Variants in NPAS3 observed in about 807,000 individuals in gnomAD.
NPAS3 encodes the protein neuronal PAS domain-containing protein 3.
A neutral mutation model predicts 73.1 loss-of-function variants in NPAS3; 14 were observed. That is an observed-to-expected ratio of 0.19 (90% CI 0.13 to 0.30). NPAS3 has a LOEUF of 0.30. NPAS3 is among the 10% of genes least tolerant of loss of function. The pLI is 1.00. For synonymous variants in NPAS3, 620 were observed against 541.5 expected (o/e 1.14, Z -2.01); for missense variants, 1,096 against 1,250.0 (o/e 0.88, Z 1.86).
At chr14:33,023,897 T>A (rs1211608641) in intron 1 of NPAS3, among the ~76,000 whole-genome samples, 1 of 152,114 alleles carries the variant, frequency 6.6e-6, no homozygotes, top group African/African-American at 2.4e-5. Flanking sequence ...ACTCAGCAAA[T>A]ACTTATTGAA....
intron 2 of NPAS3, among the ~76,000 whole-genome samples, chr14:33,208,772 G>T (rs1490687109): frequency 1.3e-5 from 2 of 152,106 alleles, no homozygotes; most frequent in East Asian, 3.8e-4. Flanking sequence ...TGAGTTTGTG[G>T]AACAAATGAA....
chr14:33,505,778 G>A (rs940113916), intron 4 of NPAS3, among the ~76,000 whole-genome samples: 1 of 151,878 alleles, frequency 6.6e-6, no homozygotes, highest in Non-Finnish European at 1.5e-5. Context: ...CAAATGCCCT[G>A]ATGTCCATTG....
chr14:33,182,657 C>G (rs942194764), intron 2 of NPAS3, among the ~76,000 whole-genome samples: 1 of 152,024 alleles, frequency 6.6e-6, no homozygotes, highest in African/African-American at 2.4e-5. Flanking sequence ...ACTCTAGGTT[C>G]CAAATTTTTT....
intron 2 of NPAS3, among the ~76,000 whole-genome samples, chr14:33,132,867 T>C (rs561900047): frequency 1.3e-5 from 2 of 152,290 alleles, no homozygotes; most frequent in East Asian, 3.9e-4. Context: ...TTTTATTAGA[T>C]ACTTCTTGGT....
At chr14:33,396,755 T>A (rs1367976135) in intron 4 of NPAS3, among the ~76,000 whole-genome samples, 1 of 152,168 alleles carries the variant, frequency 6.6e-6, no homozygotes, top group Non-Finnish European at 1.5e-5. Flanking sequence ...ATACCTTATA[T>A]TCATTTATAT....
chr14:33,778,733 G>A (rs573484655), intron 9 of NPAS3, among the ~76,000 whole-genome samples, 161 bp downstream of exon 9: 5 of 152,316 alleles, frequency 3.3e-5, no homozygotes, highest in South Asian at 2.1e-4. Context: ...ATTTCAACGC[G>A]TGTTAGAATT....
rs1364783528 is a variant in NPAS3, at chr14:32,959,273, C to CACAAA, written c.50+19910_50+19914dup. Among the ~76,000 whole-genome samples, 26 of 152,248 alleles carry CACAAA rather than the reference C, an allele frequency of 1.7e-4. No homozygotes were observed. In the East Asian group the frequency reaches 4.6e-3, roughly 27 times the overall value. ...GCTTTGCTTCTTTTGCCCCAGAAACCACAAAACCTTTAATGCCACACTTGG... is the reference window on the plus strand; with the variant it reads ...GCTTTGCTTCTTTTGCCCCAGAAACCACAAAACAAAACCTTTAATGCCACACTTGG... On this transcript the variant is annotated intron_variant, in intron 1 of 11. Coordinates refer to ENST00000356141, the Ensembl canonical transcript of NPAS3.
At chr14:33,079,663 G>A (rs149044399) in intron 2 of NPAS3, among the ~76,000 whole-genome samples, 2 of 138,808 alleles carry the variant, frequency 1.4e-5, no homozygotes, top group East Asian at 4.4e-4. Context: ...GCAGGCTGGA[G>A]TGCAGTGGTG....
At chr14:32,962,880 C>CT (rs74828243) in intron 1 of NPAS3, among the ~76,000 whole-genome samples, 3,811 of 137,438 alleles carry the variant, frequency 0.028, 153 homozygotes, top group African/African-American at 0.087. Context: ...GTTTTTCTTT[C>CT]TTTTTTTTTT....
At chr14:32,949,066 ACT>A (rs1193512669) in intron 1 of NPAS3, among the ~76,000 whole-genome samples, 1 of 151,914 alleles carries the variant, frequency 6.6e-6, no homozygotes, top group Non-Finnish European at 1.5e-5. Context: ...TAACAGTTTA[ACT>A]CTGTGTGTTT....
chr14:33,128,736 AATTGAATAC>A (rs2043526014), intron 2 of NPAS3, among the ~76,000 whole-genome samples: 1 of 152,136 alleles, frequency 6.6e-6, no homozygotes, highest in Non-Finnish European at 1.5e-5. Context: ...TGAATGAATG[AATTGAATAC>A]ATTGTGTTGC....
intron 5 of NPAS3, among the ~76,000 whole-genome samples, chr14:33,631,252 A>G (rs1250343475): frequency 6.6e-6 from 1 of 152,218 alleles, no homozygotes; most frequent in Non-Finnish European, 1.5e-5. Context: ...ATTGTAGTGG[A>G]GCCCACATTT....
intron 5 of NPAS3, among the ~76,000 whole-genome samples, chr14:33,592,776 A>G (rs2057113461): frequency 1.3e-5 from 2 of 152,238 alleles, no homozygotes; most frequent in African/African-American, 4.8e-5. Flanking sequence ...CTTTTTAGTA[A>G]GAGAATAAAA....
chr14:32,996,523 G>A (rs775500625), intron 1 of NPAS3, among the ~76,000 whole-genome samples: 8 of 152,258 alleles, frequency 5.3e-5, no homozygotes, highest in African/African-American at 1.2e-4. Flanking sequence ...GCCGGGCCCC[G>A]GGTCCCTGTG....
intron 4 of NPAS3, among the ~76,000 whole-genome samples, chr14:33,405,724 T>C (rs2138813309): frequency 6.6e-6 from 1 of 152,260 alleles, no homozygotes; most frequent in East Asian, 1.9e-4. Context: ...ATCAGAGTGC[T>C]TCTTCTATAA....
chr14:32,948,238 A>G (rs1417523156), intron 1 of NPAS3, among the ~76,000 whole-genome samples: 8 of 152,270 alleles, frequency 5.3e-5, no homozygotes, highest in African/African-American at 1.7e-4. Context: ...TTATACATAA[A>G]TACTTAAAAA....
At chr14:33,449,350 G>A (rs4981192) in intron 4 of NPAS3, among the ~76,000 whole-genome samples, 31,710 of 152,092 alleles carry the variant, frequency 0.21, 4,110 homozygotes, top group African/African-American at 0.37. Flanking sequence ...GTTTTTATAA[G>A]TAAATTTTTT....
In NPAS3 at chr14:33,204,780, G is replaced by A. The variant is rs185394170; in HGVS notation, c.141-10402G>A. 1.1e-4 allele frequency among the ~76,000 whole-genome samples: 17 copies of A among 152,296 alleles called. No individual in the cohort carries two copies. The East Asian group carries it at 3.3e-3, about 29-fold the overall frequency. ...ACCCTTGTGGGATAACTTGAGAAGGGATGAAGACTTCTCCCAGCTATTCCA... is the reference window on the plus strand; with the variant it reads ...ACCCTTGTGGGATAACTTGAGAAGGAATGAAGACTTCTCCCAGCTATTCCA... On this transcript the variant is annotated intron_variant, in intron 2 of 11. Coordinates refer to ENST00000356141, the Ensembl canonical transcript of NPAS3.
intron 4 of NPAS3, among the ~76,000 whole-genome samples, chr14:33,552,514 A>G (rs2055164886): frequency 6.6e-6 from 1 of 152,178 alleles, no homozygotes; most frequent in Non-Finnish European, 1.5e-5. Flanking sequence ...ATGATGTCCG[A>G]TAACAATAAA....
Sources: allele counts gnomAD v4.1 joint callset (sites outside exome capture counted in the v4.1 genomes callset), GRCh38; gene constraint gnomAD v4.1.1; transcripts MANE v1.5; gene names NCBI Gene and HGNC (gene_info 2026-07-23, HGNC 2026-07-21).